The following NAA11 variants were observed in gnomAD, a reference collection of about 807,000 sequenced individuals.
NAA11 encodes the protein N-alpha-acetyltransferase 11, NatA catalytic subunit.
Under a neutral mutation model 16.1 loss-of-function variants are expected in NAA11, and 15 were observed. That is an observed-to-expected ratio of 0.93 (90% CI 0.62 to 1.44). The LOEUF is 1.44. NAA11 is among the 40% of genes most tolerant of loss of function. The pLI is 0.00. For synonymous variants in NAA11, 122 were observed against 112.4 expected (o/e 1.09, Z -0.54); for missense variants, 298 against 291.3 (o/e 1.02, Z -0.17).
intron 2 of NAA11, among the ~76,000 whole-genome samples, chr4:79,250,120 C>G (rs960206717): frequency 1.3e-5 from 2 of 152,250 alleles, no homozygotes; most frequent in Non-Finnish European, 1.5e-5. Flanking sequence ...CAGATCTTTG[C>G]AATCCACCCG....
chr4:79,167,247 A>C, the NAA11 span, among the ~76,000 whole-genome samples: 44 of 116,596 alleles, frequency 3.8e-4, 1 homozygote, highest in African/African-American at 5.7e-4. Flanking sequence ...ACACACACAC[A>C]CACCCACATA....
intron 2 of NAA11, among the ~76,000 whole-genome samples, chr4:79,277,617 C>T (rs750214587): frequency 6.6e-6 from 1 of 152,046 alleles, no homozygotes; most frequent in African/African-American, 2.4e-5. Flanking sequence ...CTGACTCATT[C>T]TGATTACCTG....
chr4:79,300,972 T>G lies in NAA11; in HGVS notation c.*13-6858A>C, dbSNP rs1560461003. On this transcript the variant is annotated intron_variant and NMD_transcript_variant, in intron 1 of 2. Coordinates refer to the NAA11 transcript ENST00000511542. The stretch of plus-strand genomic sequence containing the variant: ...ACTTTGCAGTAAGAATGTCCTTATA[T>G]TACAGTGGTTAAGCATGTGAGTTCC... Among the ~76,000 whole-genome samples, 4 of 152,292 alleles carry G rather than the reference T, an allele frequency of 2.6e-5. No individual in the cohort carries two copies. The East Asian group carries it at 7.7e-4, about 29-fold the overall frequency.
chr4:79,310,974 G>A (rs1361888596), intron 1 of NAA11, among the ~76,000 whole-genome samples: 1 of 152,144 alleles, frequency 6.6e-6, no homozygotes. Flanking sequence ...GATGAGTGAA[G>A]AATTCATTTA....
At chr4:79,269,255 T>C (rs1202269043) in intron 2 of NAA11, among the ~76,000 whole-genome samples, 156 of 149,580 alleles carry the variant, frequency 1.0e-3, no homozygotes, top group African/African-American at 3.8e-3. Flanking sequence ...TTTCTAGTTC[T>C]AGATCCCTGA....
At chr4:79,269,881 A>T (rs1211756397) in intron 2 of NAA11, among the ~76,000 whole-genome samples, 1 of 151,506 alleles carries the variant, frequency 6.6e-6, no homozygotes, top group African/African-American at 2.4e-5. Context: ...ATTTTTGTAT[A>T]AGGTGTAAGG....
downstream of NAA11, among the ~76,000 whole-genome samples, chr4:79,314,641 T>A (rs1163355040): frequency 1.2e-3 from 118 of 98,034 alleles, no homozygotes; most frequent in East Asian, 2.7e-3. Context: ...TCCTTAAAAT[T>A]AAAAAAAAAA....
chr4:79,181,678 TG>T, the NAA11 span, among the ~76,000 whole-genome samples: 4 of 152,196 alleles, frequency 2.6e-5, no homozygotes, highest in East Asian at 7.7e-4. Context: ...TTTGCAGCTT[TG>T]TAACCTGCTC....
chr4:79,247,228 G>A (rs1001109485), intron 2 of NAA11, among the ~76,000 whole-genome samples: 3 of 152,152 alleles, frequency 2.0e-5, no homozygotes, highest in Non-Finnish European at 2.9e-5. Context: ...GGAGAGTGGT[G>A]TATTTATCTG....
At position 79,273,898 on chromosome 4, in the gene NAA11, A is replaced by AT. The variant is rs1227129274; in HGVS notation, c.*122+20106dup. On this transcript the variant is annotated intron_variant and NMD_transcript_variant, in intron 2 of 2. Coordinates refer to the NAA11 transcript ENST00000511542. ...CTTGGCTGCAAGATAGCCATAAAAC[A>AT]TTTACTGCAAAGCCATGAAGAATCC... Among the ~76,000 whole-genome samples the AT allele has an allele frequency of 2.0e-5, 3 of 152,142 alleles. No homozygotes were observed. In the East Asian group the frequency reaches 5.8e-4, roughly 29 times the overall value.
chr4:79,307,386 CAGAAG>C (rs1481186635), intron 1 of NAA11, among the ~76,000 whole-genome samples: 1 of 152,106 alleles, frequency 6.6e-6, no homozygotes, highest in Non-Finnish European at 1.5e-5. Flanking sequence ...CAGATATACT[CAGAAG>C]TTGGAAAATG....
chr4:79,160,512 A>G, the NAA11 span, among the ~76,000 whole-genome samples: 10 of 152,234 alleles, frequency 6.6e-5, no homozygotes, highest in Non-Finnish European at 7.3e-5. Flanking sequence ...CCACATGCTC[A>G]ACACTTGTTA....
chr4:79,218,319 A>C, the NAA11 span, among the ~76,000 whole-genome samples: 1 of 151,964 alleles, frequency 6.6e-6, no homozygotes, highest in Non-Finnish European at 1.5e-5. Flanking sequence ...TTATTTAGGA[A>C]AGAAGGAAGT....
chr4:79,202,161 A>G, the NAA11 span, among the ~76,000 whole-genome samples: 1 of 151,520 alleles, frequency 6.6e-6, no homozygotes, highest in Admixed American at 6.6e-5. Context: ...TCTGCATATG[A>G]GTCAGATCGT....
chr4:79,250,361 T>C (rs1184980707), intron 2 of NAA11, among the ~76,000 whole-genome samples: 2 of 152,218 alleles, frequency 1.3e-5, no homozygotes, highest in African/African-American at 4.8e-5. Context: ...TTAAGACCCA[T>C]TGGCTGGAAT....
At chr4:79,221,106 AT>A, downstream of NAA11, among the ~76,000 whole-genome samples, 1 of 151,920 alleles carries the variant, frequency 6.6e-6, no homozygotes, top group African/African-American at 2.4e-5. Context: ...TGTAAGTTGG[AT>A]TCCTGGGTAT....
the NAA11 span, among the ~76,000 whole-genome samples, chr4:79,167,450 A>G: frequency 3.3e-5 from 5 of 151,714 alleles, no homozygotes; most frequent in East Asian, 3.9e-4. Flanking sequence ...CATCAGTTCT[A>G]TGATAGGGAT....
At chr4:79,265,290 A>T (rs13136798) in intron 2 of NAA11, among the ~76,000 whole-genome samples, 17,759 of 152,174 alleles carry the variant, frequency 0.12, 1,485 homozygotes, top group Non-Finnish European at 0.18. Flanking sequence ...AATGACCTCC[A>T]AACTGGTATT....
the NAA11 span, among the ~76,000 whole-genome samples, chr4:79,181,020 G>T: frequency 6.6e-6 from 1 of 151,790 alleles, no homozygotes; most frequent in Non-Finnish European, 1.5e-5. Flanking sequence ...CATAGGTGGC[G>T]ACTGAACAAT....
Sources: allele counts gnomAD v4.1 joint callset (sites outside exome capture counted in the v4.1 genomes callset), GRCh38; gene constraint gnomAD v4.1.1; transcripts MANE v1.5; gene names NCBI Gene and HGNC (gene_info 2026-07-23, HGNC 2026-07-21).